MYCBP2: variants seen among roughly 807,000 people sequenced by gnomAD.
The protein encoded by MYCBP2 is E3 ubiquitin-protein ligase MYCBP2.
MYCBP2 carries 120 observed loss-of-function variants against 525.3 expected under a neutral mutation model. That is an observed-to-expected ratio of 0.23 (90% CI 0.20 to 0.27). The LOEUF (loss-of-function observed/expected upper bound fraction) is 0.27, where lower values mean the gene tolerates loss of function less well. Ranked by LOEUF, MYCBP2 falls within the 10% of genes least tolerant of loss-of-function variation. The pLI is 1.00. For synonymous variants in MYCBP2, 1,894 were observed against 1,955.8 expected (o/e 0.97, Z 0.83); for missense variants, 4,149 against 5,657.1 (o/e 0.73, Z 8.55).
At chr13:77,189,147 A>G in intron 29 of MYCBP2, 100 bp from the exon 30 acceptor site, 1 of 779,132 alleles carries the variant, frequency 1.3e-6, no homozygotes, top group Non-Finnish European at 1.8e-6. Flanking sequence ...AATAAATTAT[A>G]TATTTAAATT....
At position 77,257,680 on chromosome 13, in the gene MYCBP2, C is replaced by T; in HGVS notation, c.2167G>A (p.Gly723Ser). The change falls in exon 14 of 83, where the codon GGT becomes AGT. Residue 723 changes from glycine to serine, a missense_variant. Coordinates refer to ENST00000544440, the MANE Select transcript of MYCBP2 (RefSeq NM_015057.5). ...CGRDTGAMNQ[G>S]GKGFGVENMA... ...AGAATTAAAGACCTACCTTTCCCAC[C>T]TTGGTTCATGGCACCAGTATCTCGT... 3 of 1,573,434 alleles carry T rather than the reference C, an allele frequency of 1.9e-6. No individual in the cohort carries two copies. Among genetic ancestry groups the T allele is most frequent in the Non-Finnish European group, 1.7e-6 (2 of 1,165,424 alleles).
intron 78 of MYCBP2, 37 bp from the exon 79 acceptor site, chr13:77,057,130 AATAATG>A: frequency 7.1e-7 from 1 of 1,410,316 alleles, no homozygotes; most frequent in Non-Finnish European, 1.0e-6. Context: ...AAGCAAATAT[AATAATG>A]ATAAACAGTT....
At chr13:77,089,827 G>T (rs1270024420) in intron 60 of MYCBP2, among the ~76,000 whole-genome samples, 5 of 151,972 alleles carry the variant, frequency 3.3e-5, no homozygotes, top group East Asian at 1.9e-4. Context: ...GATAATGGTT[G>T]TAACATTTGG....
intron 1 of MYCBP2, among the ~76,000 whole-genome samples, chr13:77,301,448 A>AAAAAC (rs1555470570): frequency 8.8e-6 from 1 of 113,870 alleles, no homozygotes; most frequent in Non-Finnish European, 2.0e-5. Flanking sequence ...AAAAAAAAAA[A>AAAAAC]AGAGGCTGGG....
intron 70 of MYCBP2, 117 bp downstream of exon 70, chr13:77,068,447 AC>A: frequency 1.6e-6 from 2 of 1,282,284 alleles, no homozygotes; most frequent in Non-Finnish European, 1.1e-6. Flanking sequence ...ACAAAATATA[AC>A]AAAATACGAA....
chr13:77,161,874 A>G (rs530888205), intron 44 of MYCBP2, 32 bp downstream of exon 44: 47 of 1,560,296 alleles, frequency 3.0e-5, no homozygotes, highest in Non-Finnish European at 3.9e-5. Flanking sequence ...ATTAATGTAC[A>G]AAGTTTATCC....
intron 26 of MYCBP2, among the ~76,000 whole-genome samples, chr13:77,201,375 G>A (rs1337861406): frequency 1.3e-5 from 2 of 150,364 alleles, no homozygotes; most frequent in Admixed American, 6.6e-5. Flanking sequence ...CAATACAGGA[G>A]CACCCAGATT....
At chr13:77,300,651 A>C (rs894837143) in intron 1 of MYCBP2, among the ~76,000 whole-genome samples, 3 of 152,204 alleles carry the variant, frequency 2.0e-5, no homozygotes, top group Non-Finnish European at 4.4e-5. Flanking sequence ...ACACAGATAA[A>C]ACTATTCAAA....
chr13:77,169,652 T>A lies in MYCBP2; in HGVS notation c.5857A>T (p.Ile1953Leu). 6.2e-7 allele frequency: 1 copy of A among 1,613,894 alleles called. No individual in the cohort carries two copies. Among genetic ancestry groups the A allele is most frequent in the East Asian group, 2.2e-5 (1 of 44,852 alleles). ...SLFSMLLPLI[I>L]AYIGPVAAAI... ...GCAGCTACTGGTCCTATGTAGGCTA[T>A]AATAAGGGGGAGCAGCATGGAAAAC... The change falls in exon 39 of 83, where the codon ATA becomes TTA. Residue 1953 changes from isoleucine to leucine, a missense_variant. Transcript: ENST00000544440.
chr13:77,052,288 T>C (rs1489054433), intron 80 of MYCBP2, among the ~76,000 whole-genome samples: 1 of 152,082 alleles, frequency 6.6e-6, no homozygotes, highest in African/African-American at 2.4e-5. Context: ...AGCCTCAACC[T>C]CTTGGGCTCA....
intron 1 of MYCBP2, among the ~76,000 whole-genome samples, chr13:77,316,993 AG>A (rs1468612486): frequency 6.6e-6 from 1 of 151,422 alleles, no homozygotes. Flanking sequence ...TCTATTGCCC[AG>A]GCTGGAGTGC....
rs1008073585 is a variant in MYCBP2 at position 77,058,076 on chromosome 13, G to A, written c.13329+142C>T. 3.1e-5 allele frequency: 25 copies of A among 810,320 alleles called. No individual in the cohort carries two copies. The highest frequency in any genetic ancestry group is 5.2e-5 in the African/African-American group (3 of 57,186). The allele number at this position is 810,320 out of a possible 1,614,324, so 50.2% of individuals were successfully genotyped here. Reference sequence around the variant, plus strand: ...AGGATGGTCTCGATCTCCTGACCTCGTGATCCACCTGCCTCGGCCTCCCAA... The same window carrying A: ...AGGATGGTCTCGATCTCCTGACCTCATGATCCACCTGCCTCGGCCTCCCAA... On this transcript the variant is annotated intron_variant, in intron 78 of 82. Transcript: ENST00000544440. The surrounding 1 kb of genome is among the most constrained non-coding windows in gnomAD (Gnocchi z 4.1).
chr13:77,125,030 G>A lies in MYCBP2; in HGVS notation c.8017+306C>T, dbSNP rs143786765. 4.3e-4 allele frequency among the ~76,000 whole-genome samples: 65 copies of A among 152,172 alleles called. 1 individual carries two copies. The highest frequency in any genetic ancestry group is 1.3e-3 in the African/African-American group (56 of 41,542). On this transcript the variant is annotated intron_variant, in intron 54 of 82. Transcript: ENST00000544440. ...CATTTTATTATAGAAGGGATAGAACGTTCAGTCCTGGACTGGTACAGAAGA... is the reference window on the plus strand; with the variant it reads ...CATTTTATTATAGAAGGGATAGAACATTCAGTCCTGGACTGGTACAGAAGA...
intron 30 of MYCBP2, among the ~76,000 whole-genome samples, chr13:77,188,199 T>C (rs753764804): frequency 1.8e-4 from 28 of 152,066 alleles, no homozygotes; most frequent in Non-Finnish European, 2.4e-4. Context: ...ATCTCATTCC[T>C]ACCAGGAATA....
chr13:77,194,087 C>T, intron 27 of MYCBP2, 66 bp downstream of exon 27: 4 of 994,666 alleles, frequency 4.0e-6, no homozygotes, highest in Non-Finnish European at 6.0e-6. Flanking sequence ...TATGTTTATT[C>T]ATTTATAATA....
In MYCBP2 at chr13:77,206,640, A is replaced by G. The variant is rs1351588362; in HGVS notation, c.3589+13T>C. On this transcript the variant is annotated intron_variant, in intron 24 of 82. Transcript: ENST00000544440. ...TTAATGTGAATTAATGGTACATCAAATCGCAACCCTACCTAAAATGTGCAA... is the reference window on the plus strand; with the variant it reads ...TTAATGTGAATTAATGGTACATCAAGTCGCAACCCTACCTAAAATGTGCAA... The G allele has an allele frequency of 6.4e-7, 1 of 1,552,390 alleles. No individual in the cohort carries two copies. The highest frequency in any genetic ancestry group is 1.7e-4 in the Middle Eastern group (1 of 5,806).
At chr13:77,163,625 A>T (rs1024029583) in intron 43 of MYCBP2, among the ~76,000 whole-genome samples, 2 of 152,162 alleles carry the variant, frequency 1.3e-5, no homozygotes, top group African/African-American at 4.8e-5. Flanking sequence ...ATAAAAAAGT[A>T]CCATTTCTGC....
chr13:77,103,947 TTTATAAGTTATTGAAAAAATG>T (rs1404874382), intron 55 of MYCBP2, among the ~76,000 whole-genome samples: 1 of 152,038 alleles, frequency 6.6e-6, no homozygotes, highest in Non-Finnish European at 1.5e-5. Context: ...GCAAAGAAAA[TTTATAAGTTATTGAAAAAATG>T]TTAGGAACGT....
chr13:77,289,932 T>C (rs371732115), intron 2 of MYCBP2, among the ~76,000 whole-genome samples: 6 of 152,156 alleles, frequency 3.9e-5, no homozygotes, highest in Middle Eastern at 3.4e-3. Context: ...AATAATAGCA[T>C]TGAAGTCACA....
Sources: allele counts gnomAD v4.1 joint callset (sites outside exome capture counted in the v4.1 genomes callset), GRCh38; gene constraint gnomAD v4.1.1; non-coding constraint Gnocchi (gnomAD v3.1); transcripts MANE v1.5; gene names NCBI Gene and HGNC (gene_info 2026-07-23, HGNC 2026-07-21).